EPB41L4A: variants seen among roughly 807,000 people sequenced by gnomAD.
The protein encoded by EPB41L4A is band 4.1-like protein 4A.
In EPB41L4A, 100 loss-of-function variants were observed where a neutral mutation model predicts 108.6. The observed-to-expected ratio is 0.92, with a 90% confidence interval of 0.78 to 1.09. The LOEUF (loss-of-function observed/expected upper bound fraction) is 1.09. Among genes scored for constraint, EPB41L4A ranks in the 50% least tolerant of loss-of-function variants. EPB41L4A has a pLI of 0.00. For synonymous variants in EPB41L4A, 319 were observed against 289.0 expected (o/e 1.10, Z -1.05); for missense variants, 1,030 against 842.7 (o/e 1.22, Z -2.75).
intron 9 of EPB41L4A, among the ~76,000 whole-genome samples, chr5:112,248,641 C>A (rs1323057565): frequency 6.6e-6 from 1 of 152,150 alleles, no homozygotes; most frequent in Non-Finnish European, 1.5e-5. Context: ...ATTATATCAG[C>A]AAATTTCCAA....
At chr5:112,145,556 G>C (rs1329570493) in intron 13 of EPB41L4A, among the ~76,000 whole-genome samples, 1 of 152,134 alleles carries the variant, frequency 6.6e-6, no homozygotes, top group Non-Finnish European at 1.5e-5. Flanking sequence ...CTTCAGATTT[G>C]TCACAGCTAC....
intron 13 of EPB41L4A, among the ~76,000 whole-genome samples, chr5:112,144,988 A>T (rs73227496): frequency 0.11 from 16,779 of 152,242 alleles, 1,062 homozygotes; most frequent in Non-Finnish European, 0.15. Context: ...TTTGTTTAAA[A>T]AAAGTAAGTT....
intron 18 of EPB41L4A, among the ~76,000 whole-genome samples, chr5:112,176,200 A>C (rs945658976): frequency 1.3e-5 from 2 of 152,208 alleles, no homozygotes; most frequent in African/African-American, 4.8e-5. Context: ...TGTTGTAGAG[A>C]TGGAAGCTCA....
In EPB41L4A at chr5:112,297,731, T is replaced by C. The variant is rs2150554714; in HGVS notation, c.204+9655A>G. 1.3e-5 allele frequency among the ~76,000 whole-genome samples: 2 copies of C among 152,294 alleles called. 1 individual carries two copies. The highest frequency in any genetic ancestry group is 4.1e-4 in the South Asian group (2 of 4,828). On this transcript the variant is annotated intron_variant, in intron 2 of 22. Coordinates refer to ENST00000261486, the MANE Select transcript of EPB41L4A (RefSeq NM_022140.5). Reference sequence around the variant, plus strand: ...CTAAGCCAATGTCTAGAAGGGTTTTTCCAATGTTATCTTCTAGAATTTTTA... The same window carrying C: ...CTAAGCCAATGTCTAGAAGGGTTTTCCCAATGTTATCTTCTAGAATTTTTA...
At chr5:112,167,772 A>C (rs1391097948) in intron 22 of EPB41L4A, among the ~76,000 whole-genome samples, 2 of 152,326 alleles carry the variant, frequency 1.3e-5, no homozygotes, top group East Asian at 3.9e-4. Context: ...TCCTGCATGC[A>C]GATCTCCATT....
chr5:112,418,883 T>G, intron 1 of EPB41L4A, 58 bp downstream of exon 1: 1 of 1,396,064 alleles, frequency 7.2e-7, no homozygotes, highest in South Asian at 1.2e-5. Flanking sequence ...CTCAAAGCGA[T>G]GGACCCCCGC....
intron 2 of EPB41L4A, among the ~76,000 whole-genome samples, chr5:112,283,894 T>C (rs1468490377): frequency 6.6e-6 from 1 of 152,066 alleles, no homozygotes; most frequent in Admixed American, 6.6e-5. Flanking sequence ...GCAGGGTGAG[T>C]ATACAATGGC....
intron 1 of EPB41L4A, among the ~76,000 whole-genome samples, chr5:112,353,004 GT>G (rs1187399406): frequency 2.0e-5 from 3 of 152,166 alleles, no homozygotes; most frequent in Non-Finnish European, 2.9e-5. Context: ...TGTATCTATA[GT>G]GTTGGTTAGG....
intron 2 of EPB41L4A, among the ~76,000 whole-genome samples, chr5:112,292,090 T>C (rs967309347): frequency 2.6e-5 from 4 of 152,224 alleles, no homozygotes; most frequent in African/African-American, 9.7e-5. Flanking sequence ...GTACCTGATA[T>C]TTGAGTATCT....
intron 9 of EPB41L4A, among the ~76,000 whole-genome samples, chr5:112,241,220 T>A (rs1049934538): frequency 6.6e-6 from 1 of 152,040 alleles, no homozygotes; most frequent in Non-Finnish European, 1.5e-5. Context: ...GATGAACAAG[T>A]CACACATAAA....
At chr5:112,205,222 A>C (rs1359821147) in intron 14 of EPB41L4A, among the ~76,000 whole-genome samples, 199 bp downstream of exon 14, 1 of 152,038 alleles carries the variant, frequency 6.6e-6, no homozygotes, top group African/African-American at 2.4e-5. Context: ...AAAAAGTTTC[A>C]TGTTATAAAA....
chr5:112,197,219 C>G (rs1178188891), intron 15 of EPB41L4A, among the ~76,000 whole-genome samples: 66 of 152,282 alleles, frequency 4.3e-4, no homozygotes, highest in Admixed American at 6.5e-5. Context: ...GAGTCCACAT[C>G]CCCCCTCATC....
intron 17 of EPB41L4A, among the ~76,000 whole-genome samples, chr5:112,193,728 T>C (rs779873405): frequency 6.6e-6 from 1 of 152,274 alleles, no homozygotes; most frequent in Non-Finnish European, 1.5e-5. Flanking sequence ...TAGGTACTTA[T>C]TTGTTGCCAG....
At chr5:112,246,290 T>C (rs1303078742) in intron 9 of EPB41L4A, among the ~76,000 whole-genome samples, 1 of 152,162 alleles carries the variant, frequency 6.6e-6, no homozygotes, top group African/African-American at 2.4e-5. Flanking sequence ...ATAAAACGTA[T>C]TTTAACTGTG....
chr5:112,378,812 G>C (rs1759983290), intron 1 of EPB41L4A, among the ~76,000 whole-genome samples: 1 of 152,186 alleles, frequency 6.6e-6, no homozygotes. Context: ...TTCCAGGAAG[G>C]AGGAAACATG....
intron 18 of EPB41L4A, chr5:112,175,531 G>GT (rs1366520009): frequency 2.0e-5 from 3 of 152,114 alleles, no homozygotes; most frequent in African/African-American, 7.2e-5. Flanking sequence ...GAATAATGGT[G>GT]TATCATAACC....
chr5:112,256,544 A>T (rs1751111276), intron 9 of EPB41L4A, among the ~76,000 whole-genome samples: 1 of 152,178 alleles, frequency 6.6e-6, no homozygotes, highest in Admixed American at 6.5e-5. Flanking sequence ...TCCTATCAAA[A>T]ACCAGTTAGA....
chr5:112,304,029 G>A (rs1754540864), intron 2 of EPB41L4A, among the ~76,000 whole-genome samples: 1 of 152,076 alleles, frequency 6.6e-6, no homozygotes, highest in African/African-American at 2.4e-5. Context: ...AGGAAAGGAA[G>A]GGTATGAAGC....
chr5:112,190,631 T>A (rs1761650535), intron 17 of EPB41L4A, among the ~76,000 whole-genome samples: 1 of 152,214 alleles, frequency 6.6e-6, no homozygotes, highest in Admixed American at 6.5e-5. Flanking sequence ...TACTTCAAAG[T>A]GCTCTCACTT....
Sources: gnomAD v4.1 joint callset for allele counts (sites outside exome capture counted in the v4.1 genomes callset) on GRCh38, gnomAD v4.1.1 for gene constraint, MANE v1.5 for transcripts, NCBI Gene and HGNC (gene_info 2026-07-23, HGNC 2026-07-21) for gene names.